Variants in ATXN1 observed in about 807,000 individuals in gnomAD.
ATXN1 encodes ataxin 1.
ATXN1 carries 8 observed loss-of-function variants against 56.4 expected under a neutral mutation model. The observed-to-expected ratio is 0.14, with a 90% CI of 0.08 to 0.26. The LOEUF (loss-of-function observed/expected upper bound fraction) is 0.26. ATXN1 is among the 10% of genes least tolerant of loss of function. ATXN1 has a pLI of 1.00. For missense variants in ATXN1, 987 were observed against 1,106.5 expected, an observed-to-expected ratio of 0.89 and a Z score of 1.53; for synonymous variants, 514 against 494.6, an observed-to-expected ratio of 1.04 and a Z score of -0.52.
chr6:16,482,602 G>A lies in ATXN1; in HGVS notation c.-161+3370C>T, dbSNP rs186199669. ...CTCTAACCAATATTTGAGCACAGAG[G>A]TGGTTTTAGAAAACTCAAGTTCAAA... On this transcript the variant is annotated intron_variant, in intron 6 of 7. Transcript: ENST00000436367. Among the ~76,000 whole-genome samples the A allele has an allele frequency of 4.6e-5, 7 of 152,244 alleles. No homozygotes were observed. The East Asian group carries it at 1.4e-3, about 29-fold the overall frequency.
intron 3 of ATXN1, among the ~76,000 whole-genome samples, chr6:16,617,773 A>AAAAAAG (rs1561780960): frequency 3.4e-5 from 5 of 146,660 alleles, no homozygotes; most frequent in Non-Finnish European, 3.0e-5. Context: ...TCTCAAAAAA[A>AAAAAAG]AAAAAAAAAG....
rs573826759 is a variant in ATXN1, at chr6:16,404,213, G to C, written c.-160-75743C>G. Reference sequence around the variant, plus strand: ...CCAAAAAAGGAGGCCATTTATTCTTGGCTTCCACAGGGCCTCTGAAAAGTA... The same window carrying C: ...CCAAAAAAGGAGGCCATTTATTCTTCGCTTCCACAGGGCCTCTGAAAAGTA... On this transcript the variant is annotated intron_variant, in intron 6 of 7. Coordinates refer to ENST00000436367, the MANE Select transcript of ATXN1 (RefSeq NM_001128164.2). Among the ~76,000 whole-genome samples the C allele has an allele frequency of 1.1e-3, 174 of 152,168 alleles. 5 individuals are homozygous for C. Among genetic ancestry groups the C allele is most frequent in the African/African-American group, 3.9e-3 (163 of 41,488 alleles).
At chr6:16,340,203 T>C (rs1388534331) in intron 6 of ATXN1, among the ~76,000 whole-genome samples, 1 of 152,012 alleles carries the variant, frequency 6.6e-6, no homozygotes, top group African/African-American at 2.4e-5. Context: ...CTGGATGGAG[T>C]AACAATGTGA....
intron 6 of ATXN1, among the ~76,000 whole-genome samples, chr6:16,400,856 G>A (rs1039710489): frequency 6.6e-6 from 1 of 152,078 alleles, no homozygotes; most frequent in African/African-American, 2.4e-5. Context: ...CATTTTTATT[G>A]GCTAACACTC....
chr6:16,404,694 TCG>T (rs1006797148), intron 6 of ATXN1, among the ~76,000 whole-genome samples: 1 of 131,936 alleles, frequency 7.6e-6, no homozygotes, highest in Non-Finnish European at 1.5e-5. Context: ...GCACGCGCAC[TCG>T]CGCGCGCGCA....
chr6:16,604,405 A>T (rs1762965198), intron 3 of ATXN1, among the ~76,000 whole-genome samples: 1 of 151,746 alleles, frequency 6.6e-6, no homozygotes, highest in Non-Finnish European at 1.5e-5. Flanking sequence ...CTGAGGTGGT[A>T]GGACCATTGC....
chr6:16,494,009 C>CT (rs1215127815), intron 5 of ATXN1, among the ~76,000 whole-genome samples: 1 of 152,170 alleles, frequency 6.6e-6, no homozygotes, highest in Non-Finnish European at 1.5e-5. Context: ...GTGCAGAGCC[C>CT]TGTCTCCACC....
chr6:16,422,603 G>A (rs1759060104), intron 6 of ATXN1, among the ~76,000 whole-genome samples: 1 of 152,136 alleles, frequency 6.6e-6, no homozygotes, highest in Admixed American at 6.5e-5. Flanking sequence ...TAGTTGAGGG[G>A]CAGCAGTATT....
intron 2 of ATXN1, among the ~76,000 whole-genome samples, chr6:16,720,519 A>T (rs1759725286): frequency 6.6e-6 from 1 of 152,212 alleles, no homozygotes; most frequent in Non-Finnish European, 1.5e-5. Context: ...GCTTTCACTC[A>T]ATTATAAAAG....
chr6:16,637,388 C>T (rs1440333524), intron 3 of ATXN1, among the ~76,000 whole-genome samples: 2 of 151,326 alleles, frequency 1.3e-5, no homozygotes, highest in African/African-American at 4.9e-5. Flanking sequence ...GGAGATATAC[C>T]TAATGTAAAT....
intron 4 of ATXN1, among the ~76,000 whole-genome samples, chr6:16,532,458 G>T (rs2113707743): frequency 6.6e-6 from 1 of 152,266 alleles, no homozygotes; most frequent in African/African-American, 2.4e-5. Flanking sequence ...CCAGATAAAT[G>T]CTAAATAGCC....
In ATXN1 at chr6:16,327,179, C is replaced by T. The variant is rs1331949862; in HGVS notation, c.1132G>A (p.Val378Ile). Residue 378 changes from valine to isoleucine, a missense_variant, in exon 7 of 8, where the codon GTC (valine) becomes ATC (isoleucine). By Grantham distance (29) the Val-to-Ile change is conservative. Around this residue, in one of 3 missense-constraint regions of ATXN1, gnomAD observed 723 missense variants for 791.7 expected, o/e 0.91. Transcript: ENST00000436367. ...SDYSSRDPSG[V>I]RASVMVLPNS... ...GGCAGGACCATCACAGAGGCCCGGA[C>T]CCCCGAAGGATCACGACTGCTGTAG... The T allele has an allele frequency of 1.2e-6, 2 of 1,613,886 alleles. No individual in the cohort carries two copies. The highest frequency in any genetic ancestry group is 1.3e-5 in the African/African-American group (1 of 75,042).
At chr6:16,428,689 A>T (rs2113577407) in intron 6 of ATXN1, among the ~76,000 whole-genome samples, 1 of 152,104 alleles carries the variant, frequency 6.6e-6, no homozygotes, top group South Asian at 2.1e-4. Context: ...CCAGAGGGAG[A>T]TTTGAACCCA....
chr6:16,533,879 T>A (rs970509781), intron 4 of ATXN1, among the ~76,000 whole-genome samples: 1 of 152,192 alleles, frequency 6.6e-6, no homozygotes, highest in Non-Finnish European at 1.5e-5. Flanking sequence ...CCTATTTGCA[T>A]AGCACTATTC....
At chr6:16,389,909 T>C (rs974761898) in intron 6 of ATXN1, among the ~76,000 whole-genome samples, 2 of 152,306 alleles carry the variant, frequency 1.3e-5, no homozygotes, top group East Asian at 3.9e-4. Flanking sequence ...GAGTCCTGTG[T>C]ACGTTCACCT....
chr6:16,661,087 T>C (rs1758310786), intron 2 of ATXN1, among the ~76,000 whole-genome samples: 1 of 151,930 alleles, frequency 6.6e-6, no homozygotes. Context: ...TTCACCCGCT[T>C]TGACCTCCCA....
intron 3 of ATXN1, among the ~76,000 whole-genome samples, chr6:16,596,326 T>A (rs1762813639): frequency 6.6e-6 from 1 of 152,128 alleles, no homozygotes; most frequent in South Asian, 2.1e-4. Flanking sequence ...ATCCAAAGCC[T>A]GGTAAACAAA....
chr6:16,352,102 T>C (rs1761581221), intron 6 of ATXN1, among the ~76,000 whole-genome samples: 1 of 152,234 alleles, frequency 6.6e-6, no homozygotes. Context: ...TTCCAGAAAC[T>C]TGGATCTTTT....
At chr6:16,335,488 A>C (rs1191830610) in intron 6 of ATXN1, among the ~76,000 whole-genome samples, 2 of 152,240 alleles carry the variant, frequency 1.3e-5, no homozygotes, top group Non-Finnish European at 2.9e-5. Flanking sequence ...GAGAAAAAGC[A>C]AGAAATGAAA....
Sources: allele counts gnomAD v4.1 joint callset (sites outside exome capture counted in the v4.1 genomes callset), GRCh38; gene constraint gnomAD v4.1.1; regional missense constraint gnomAD v4.1.1; transcripts MANE v1.5; gene names NCBI Gene and HGNC (gene_info 2026-07-23, HGNC 2026-07-21).